NUBPL: variants seen among roughly 807,000 people sequenced by gnomAD.
NUBPL encodes the protein NUBP iron-sulfur cluster assembly factor, mitochondrial.
A neutral mutation model predicts 45.7 loss-of-function variants in NUBPL; 31 were observed. The ratio of observed to expected loss-of-function variants is 0.68; its 90% CI spans 0.51 to 0.92. The LOEUF (loss-of-function observed/expected upper bound fraction) is 0.92. NUBPL is among the 40% of genes least tolerant of loss of function. NUBPL has a pLI of 0.00. For synonymous variants in NUBPL, 144 were observed against 140.9 expected (o/e 1.02, Z -0.15); for missense variants, 401 against 398.7 (o/e 1.01, Z -0.05).
chr14:31,848,241 G>A (rs905736337), intron 9 of NUBPL, among the ~76,000 whole-genome samples: 5 of 152,192 alleles, frequency 3.3e-5, no homozygotes, highest in Non-Finnish European at 5.9e-5. Flanking sequence ...GTTAGGGCAC[G>A]TCCCCTCCTT....
At chr14:31,563,238 T>C (rs537994805) in intron 2 of NUBPL, among the ~76,000 whole-genome samples, 1 of 152,326 alleles carries the variant, frequency 6.6e-6, no homozygotes, top group South Asian at 2.1e-4. Context: ...GCTCTGTGAT[T>C]ACTTGAACTG....
chr14:31,567,894 C>G (rs140955024), intron 3 of NUBPL, among the ~76,000 whole-genome samples: 1 of 152,104 alleles, frequency 6.6e-6, no homozygotes, highest in Non-Finnish European at 1.5e-5. Flanking sequence ...ACCCTCTAGG[C>G]GATTTTGATG....
rs1374570472 is a variant in NUBPL, at chr14:31,621,720, A to T, written c.382+22341A>T. ...GATCTCGCTGGGAGCTGCAGACTGG[A>T]GCTGTTCTTATTCAGCCGTCTTGCC... On this transcript the variant is annotated intron_variant, in intron 4 of 10. Coordinates refer to ENST00000281081, the MANE Select transcript of NUBPL (RefSeq NM_025152.3). Among the ~76,000 whole-genome samples the T allele has an allele frequency of 2.0e-5, 3 of 152,138 alleles. No individual in the cohort carries two copies. The East Asian group carries it at 5.8e-4, about 29-fold the overall frequency.
At chr14:31,658,293 A>C (rs2036189101) in intron 4 of NUBPL, among the ~76,000 whole-genome samples, 1 of 152,212 alleles carries the variant, frequency 6.6e-6, no homozygotes, top group South Asian at 2.1e-4. Context: ...TAACTGAAAT[A>C]CTTAATGTTT....
At chr14:31,643,462 C>T (rs142473287) in intron 4 of NUBPL, among the ~76,000 whole-genome samples, 78 of 152,172 alleles carry the variant, frequency 5.1e-4, no homozygotes, top group African/African-American at 1.6e-3. Flanking sequence ...TATTGATTTC[C>T]GAATGTTGAA....
intron 4 of NUBPL, among the ~76,000 whole-genome samples, chr14:31,666,667 T>C (rs7142149): frequency 0.37 from 55,897 of 151,970 alleles, 12,638 homozygotes; most frequent in East Asian, 0.59. Flanking sequence ...TATATTTTGG[T>C]ATGTTTTTGC....
chr14:31,597,088 CCT>C (rs2034303733), intron 3 of NUBPL, among the ~76,000 whole-genome samples: 1 of 152,072 alleles, frequency 6.6e-6, no homozygotes, highest in Non-Finnish European at 1.5e-5. Context: ...TCCCTTTGCT[CCT>C]CTCTCTCTTT....
At chr14:31,779,223 C>T (rs1424600666) in intron 6 of NUBPL, among the ~76,000 whole-genome samples, 1 of 151,986 alleles carries the variant, frequency 6.6e-6, no homozygotes, top group African/African-American at 2.4e-5. Context: ...TGCCTGTAAT[C>T]CCAGCTATTT....
At position 31,798,879 on chromosome 14, in the gene NUBPL, T is replaced by TCTCC. The variant is rs1438913549; in HGVS notation, c.607+11007_607+11010dup. On this transcript the variant is annotated intron_variant, in intron 7 of 10. Coordinates refer to ENST00000281081, the MANE Select transcript of NUBPL (RefSeq NM_025152.3). ...GGTGCTAAATACCTTTCTAATTCTC[T>TCTCC]CTCCTTACCTGTGGAAAACTTGCTT... Among the ~76,000 whole-genome samples the TCTCC allele has an allele frequency of 4.6e-5, 7 of 151,252 alleles. No homozygotes were observed. The East Asian group carries it at 1.4e-3, about 30-fold the overall frequency.
At chr14:31,854,117 A>T (rs1429734570) in intron 10 of NUBPL, among the ~76,000 whole-genome samples, 1 of 152,210 alleles carries the variant, frequency 6.6e-6, no homozygotes, top group Non-Finnish European at 1.5e-5. Flanking sequence ...ATATGAAATG[A>T]CTGTGTATGA....
At chr14:31,652,514 A>G (rs1241371609) in intron 4 of NUBPL, among the ~76,000 whole-genome samples, 2 of 152,218 alleles carry the variant, frequency 1.3e-5, no homozygotes, top group Non-Finnish European at 2.9e-5. Context: ...TAGTATATAC[A>G]TATATGAGAA....
chr14:31,853,192 C>T (rs2040567007), intron 10 of NUBPL, among the ~76,000 whole-genome samples: 1 of 152,048 alleles, frequency 6.6e-6, no homozygotes, highest in Non-Finnish European at 1.5e-5. Flanking sequence ...GTAGCTGGGA[C>T]CACTGGTTCA....
rs150678627 is a variant in NUBPL at position 31,742,160 on chromosome 14, G to A, written c.514-45620G>A. ...TTACCCAGAATTCTCAAGCTCCAGAGATCATGGCAGACAGAGATACTGTTA... is the reference window on the plus strand; with the variant it reads ...TTACCCAGAATTCTCAAGCTCCAGAAATCATGGCAGACAGAGATACTGTTA... On this transcript the variant is annotated intron_variant, in intron 6 of 10. Transcript: ENST00000281081. Among the ~76,000 whole-genome samples the A allele has an allele frequency of 2.1e-3, 315 of 151,898 alleles. 1 individual carries two copies. Among genetic ancestry groups the A allele is most frequent in the African/African-American group, 7.3e-3 (301 of 41,440 alleles).
intron 6 of NUBPL, among the ~76,000 whole-genome samples, chr14:31,678,979 C>T (rs1197927176): frequency 3.3e-5 from 5 of 152,166 alleles, no homozygotes; most frequent in African/African-American, 7.2e-5. Context: ...CTGGGATGAG[C>T]GATTCCCCTC....
intron 4 of NUBPL, among the ~76,000 whole-genome samples, chr14:31,617,415 TC>T (rs1477286253): frequency 6.6e-6 from 1 of 152,216 alleles, no homozygotes; most frequent in African/African-American, 2.4e-5. Flanking sequence ...TGTGGGTTTG[TC>T]ATAAATAGCT....
intron 4 of NUBPL, among the ~76,000 whole-genome samples, chr14:31,636,781 C>T (rs947052110): frequency 6.6e-6 from 1 of 152,152 alleles, no homozygotes; most frequent in Non-Finnish European, 1.5e-5. Flanking sequence ...TGTTATTGGT[C>T]TATTCAGAGA....
intron 3 of NUBPL, among the ~76,000 whole-genome samples, chr14:31,588,761 A>G (rs2034063421): frequency 6.6e-6 from 1 of 150,624 alleles, no homozygotes; most frequent in Non-Finnish European, 1.5e-5. Context: ...TAAAAATACA[A>G]AAAAAAAATT....
chr14:31,604,431 A>G (rs1310905359), intron 4 of NUBPL, among the ~76,000 whole-genome samples: 4 of 152,176 alleles, frequency 2.6e-5, no homozygotes, highest in African/African-American at 9.7e-5. Context: ...AAAATTACCT[A>G]ATTAACAATA....
chr14:31,628,602 T>A (rs558527853), intron 4 of NUBPL, among the ~76,000 whole-genome samples: 1 of 152,244 alleles, frequency 6.6e-6, no homozygotes, highest in African/African-American at 2.4e-5. Context: ...TTTTGTATGC[T>A]AAATACCCAT....
Sources: allele counts gnomAD v4.1 joint callset (sites outside exome capture counted in the v4.1 genomes callset), GRCh38; gene constraint gnomAD v4.1.1; transcripts MANE v1.5; gene names NCBI Gene and HGNC (gene_info 2026-07-23, HGNC 2026-07-21).